Variants in TLE2 observed in about 807,000 individuals in gnomAD.
The protein encoded by TLE2 is transducin-like enhancer protein 2.
TLE2 carries 74 observed loss-of-function variants against 97.2 expected under a neutral mutation model. That is an observed-to-expected ratio of 0.76 (90% CI 0.63 to 0.92). The LOEUF (loss-of-function observed/expected upper bound fraction) is 0.92. Among genes scored for constraint, TLE2 ranks in the 40% least tolerant of loss-of-function variants. The pLI, the probability that TLE2 is intolerant of heterozygous loss-of-function variation, is 0.00. For synonymous variants in TLE2, 499 were observed against 432.1 expected (o/e 1.15, Z -1.92); for missense variants, 1,038 against 1,008.7 (o/e 1.03, Z -0.39).
chr19:3,004,354 G>A (rs1172819390), intron 17 of TLE2, among the ~76,000 whole-genome samples: 1 of 151,882 alleles, frequency 6.6e-6, no homozygotes, highest in Admixed American at 6.6e-5. Flanking sequence ...TAAAGAGCTT[G>A]GGAGGGCAAG....
intron 7 of TLE2, among the ~76,000 whole-genome samples, chr19:3,018,407 C>T (rs1028240782): frequency 1.3e-5 from 2 of 151,832 alleles, no homozygotes; most frequent in Admixed American, 1.3e-4. Flanking sequence ...ATTCTCTTGC[C>T]TCAGCCTCCC....
At chr19:3,041,006 TATATA>T (rs2090097026) in intron 1 of TLE2, among the ~76,000 whole-genome samples, 5 of 38,604 alleles carry the variant, frequency 1.3e-4, no homozygotes. Context: ...TATATATATA[TATATA>T]TATTTTTTTT....
upstream of TLE2, among the ~76,000 whole-genome samples, chr19:3,046,941 T>TCCTCCTCCCTTCCCTC (rs1437116466): frequency 6.9e-5 from 3 of 43,654 alleles, no homozygotes; most frequent in South Asian, 8.4e-4. Flanking sequence ...TGCCTCCCCC[T>TCCTCCTCCCTTCCCTC]CCTCCTCCCT....
upstream of TLE2, among the ~76,000 whole-genome samples, chr19:3,029,391 CG>C (rs1291862482): frequency 6.8e-6 from 1 of 147,258 alleles, no homozygotes; most frequent in Non-Finnish European, 1.5e-5. Flanking sequence ...GCGCCCCCCC[CG>C]GCCCCCGGGC....
chr19:3,026,637 CCTGT>C (rs1382790284), intron 4 of TLE2, among the ~76,000 whole-genome samples: 5 of 149,606 alleles, frequency 3.3e-5, no homozygotes, highest in Admixed American at 1.3e-4. Context: ...ATCTCTGAAC[CCTGT>C]CTATCTCAGA....
At chr19:3,021,459 C>T (rs977247146) in intron 5 of TLE2, among the ~76,000 whole-genome samples, 4 of 152,236 alleles carry the variant, frequency 2.6e-5, no homozygotes, top group African/African-American at 9.6e-5. Context: ...ACAGAAGCCA[C>T]TGGCCATGTG....
chr19:3,011,072 C>T lies in TLE2; in HGVS notation c.962G>A (p.Ser321Asn). 4 of 1,608,204 alleles carry T rather than the reference C, an allele frequency of 2.5e-6. No homozygotes were observed. The highest frequency in any genetic ancestry group is 3.4e-6 in the Non-Finnish European group (4 of 1,178,244). ...DASTPGPSSA[S>N]HLCQLAAKPA... ...CTTGGCAGCAAGCTGGCAGAGGTGACTGGCCGAGCTGGGCCCGGGGGTGGA... is the reference window on the plus strand; with the variant it reads ...CTTGGCAGCAAGCTGGCAGAGGTGATTGGCCGAGCTGGGCCCGGGGGTGGA... Residue 321 changes from serine (S) to asparagine (N), a missense_variant, in exon 12 of 20, where the codon AGT (serine) becomes AAT (asparagine). Ser to Asn is a conservative substitution (Grantham distance 46). Coordinates refer to ENST00000262953, the MANE Select transcript of TLE2 (RefSeq NM_003260.5).
chr19:3,029,560 G>GGA (rs1555694587), upstream of TLE2: 2 of 727,356 alleles, frequency 2.7e-6, no homozygotes, highest in Admixed American at 1.8e-4. Context: ...CGTGGGAGCG[G>GGA]GGGGGGGGGC....
chr19:3,044,109 G>A (rs1002961479), intron 1 of TLE2, among the ~76,000 whole-genome samples: 7 of 151,520 alleles, frequency 4.6e-5, no homozygotes, highest in Non-Finnish European at 8.8e-5. Context: ...GGAGACAGAG[G>A]TTGCAGTGGG....
At chr19:3,036,452 C>T (rs953536030) in intron 1 of TLE2, among the ~76,000 whole-genome samples, 4 of 152,216 alleles carry the variant, frequency 2.6e-5, no homozygotes, top group South Asian at 4.1e-4. Flanking sequence ...GAAAGCGGCT[C>T]CCTCGGGGAG....
At chr19:3,037,051 G>C (rs2090068344) in intron 1 of TLE2, among the ~76,000 whole-genome samples, 1 of 152,226 alleles carries the variant, frequency 6.6e-6, no homozygotes, top group African/African-American at 2.4e-5. Flanking sequence ...TCAGGAGGCC[G>C]AGGCAGGCGG....
chr19:3,035,591 C>A (rs766649751), intron 1 of TLE2, among the ~76,000 whole-genome samples: 1 of 152,028 alleles, frequency 6.6e-6, no homozygotes, highest in Non-Finnish European at 1.5e-5. Flanking sequence ...ATTGCTCAGA[C>A]CACCTTAAAT....
At chr19:3,006,252 T>G in intron 15 of TLE2, 168 bp downstream of exon 15, 1 of 1,215,840 alleles carries the variant, frequency 8.2e-7, no homozygotes, top group Non-Finnish European at 1.2e-6. Flanking sequence ...CCCCACCCCT[T>G]TGGCCTGCAA....
At chr19:3,018,702 C>T (rs1283732768) in intron 7 of TLE2, among the ~76,000 whole-genome samples, 6 of 151,770 alleles carry the variant, frequency 4.0e-5, no homozygotes, top group African/African-American at 1.5e-4. Flanking sequence ...GCAACCTCCG[C>T]CTCCCAGGTT....
At position 3,028,806 on chromosome 19, in the gene TLE2, G is replaced by A; in HGVS notation, c.25-3C>T. On this transcript the variant is annotated splice_region_variant and splice_polypyrimidine_tract_variant and intron_variant, in intron 1 of 19. Transcript: ENST00000262953. ...GGCTGGCCGGACTGGAGCGGGGTCT[G>A]GGGGGGGTGTGGGGGAAACGTCAGG... 1 of 1,586,058 alleles carries A rather than the reference G, an allele frequency of 6.3e-7. No homozygotes were observed. The highest frequency in any genetic ancestry group is 1.1e-5 in the South Asian group (1 of 90,350).
intron 9 of TLE2, 112 bp from the exon 10 acceptor site, chr19:3,014,726 G>T: frequency 9.8e-7 from 1 of 1,022,290 alleles, no homozygotes; most frequent in Non-Finnish European, 1.3e-6. Flanking sequence ...GGGCATGACT[G>T]GGATTCTCAG....
At chr19:3,017,786 C>G in intron 8 of TLE2, 54 bp downstream of exon 8, 1 of 1,579,330 alleles carries the variant, frequency 6.3e-7, no homozygotes, top group Non-Finnish European at 8.6e-7. Flanking sequence ...CAGCTCAGAA[C>G]CAGCGTTGGC....
intron 17 of TLE2, 99 bp downstream of exon 17, chr19:3,005,333 AGTCCT>A: frequency 1.4e-6 from 2 of 1,415,898 alleles, no homozygotes; most frequent in Non-Finnish European, 1.9e-6. Context: ...AGCAGATGGG[AGTCCT>A]GTCCTGTCCT....
In TLE2 at chr19:3,013,696, C is replaced by G; in HGVS notation, c.846G>C (p.Pro282=). The part of the protein sequence containing the change: ...PASLASSLGS[P]LPRAKELILN... ...GGATGAGCTCCTTGGCTCTAGGCAG[C>G]GGTGAGCCAAGGCTAGAGGCCAAGG... Residue 282 remains proline, a synonymous_variant, in exon 11 of 20, where the codon CCG becomes CCC. Coordinates refer to ENST00000262953, the MANE Select transcript of TLE2 (RefSeq NM_003260.5). 1 of 1,479,378 alleles carries G rather than the reference C, an allele frequency of 6.8e-7. No homozygotes were observed. Among genetic ancestry groups the G allele is most frequent in the Non-Finnish European group, 9.0e-7 (1 of 1,113,152 alleles). The allele number at this position is 1,479,378 out of a possible 1,614,324, so 91.6% of individuals were successfully genotyped here.
Sources: gnomAD v4.1 joint callset for allele counts (sites outside exome capture counted in the v4.1 genomes callset) on GRCh38, gnomAD v4.1.1 for gene constraint, MANE v1.5 for transcripts, NCBI Gene and HGNC (gene_info 2026-07-23, HGNC 2026-07-21) for gene names.